The following PRELID2 variants were observed in gnomAD, a reference collection of about 807,000 sequenced individuals.
The protein encoded by PRELID2 is PRELI domain containing 2, also known as PRELI domain-containing protein 2.
PRELID2 carries 25 observed loss-of-function variants against 28.4 expected under a neutral mutation model. The ratio of observed to expected loss-of-function variants is 0.88; its 90% CI spans 0.64 to 1.23. The LOEUF (loss-of-function observed/expected upper bound fraction) is 1.23, where lower values mean the gene tolerates loss of function less well. Ranked by LOEUF, PRELID2 falls within the 50% of genes most tolerant of loss-of-function variation. The pLI is 0.00. For missense variants in PRELID2, 201 were observed against 214.4 expected (o/e 0.94, Z 0.39); for synonymous variants, 76 against 71.6 (o/e 1.06, Z -0.31).
the PRELID2 span, among the ~76,000 whole-genome samples, chr5:145,327,137 G>A: frequency 1.3e-5 from 2 of 152,098 alleles, no homozygotes; most frequent in South Asian, 2.1e-4. Flanking sequence ...GGTCTATTTG[G>A]TCTATATTGT....
the PRELID2 span, among the ~76,000 whole-genome samples, chr5:145,390,056 T>C: frequency 4.1e-4 from 63 of 152,312 alleles, 1 homozygote; most frequent in Non-Finnish European, 1.0e-4. Flanking sequence ...ATTAGGAAGA[T>C]AGCTGCATAA....
chr5:145,365,427 T>G, the PRELID2 span, among the ~76,000 whole-genome samples: 1 of 142,510 alleles, frequency 7.0e-6, no homozygotes, highest in African/African-American at 2.5e-5. Flanking sequence ...AAATAAAATT[T>G]TATAAATTTA....
chr5:145,693,495 G>A (rs1755191833), intron 1 of PRELID2, among the ~76,000 whole-genome samples: 1 of 150,952 alleles, frequency 6.6e-6, no homozygotes, highest in Admixed American at 6.6e-5. Flanking sequence ...TTAGCCAGGT[G>A]CAGTGGCTCA....
At chr5:145,736,589 A>G (rs1756502993) in intron 1 of PRELID2, among the ~76,000 whole-genome samples, 1 of 152,182 alleles carries the variant, frequency 6.6e-6, no homozygotes, top group Non-Finnish European at 1.5e-5. Context: ...CTAACTGAAT[A>G]GGGGAGAGGA....
chr5:145,818,160 T>A, intron 3 of PRELID2, 106 bp from the exon 4 acceptor site: 2 of 1,143,628 alleles, frequency 1.7e-6, no homozygotes, highest in Non-Finnish European at 2.5e-6. Flanking sequence ...GGACAAGTAA[T>A]CCTGATACAT....
the PRELID2 span, among the ~76,000 whole-genome samples, chr5:145,355,058 T>G: frequency 6.6e-6 from 1 of 152,302 alleles, no homozygotes; most frequent in Non-Finnish European, 1.5e-5. Flanking sequence ...AAGACAGTGT[T>G]TAATATTCTT....
chr5:145,782,222 C>T (rs1751683832), intron 5 of PRELID2, among the ~76,000 whole-genome samples: 1 of 152,126 alleles, frequency 6.6e-6, no homozygotes, highest in African/African-American at 2.4e-5. Flanking sequence ...GTCTTGTCTC[C>T]TTCATCTGAA....
chr5:145,463,455 T>G, the PRELID2 span, among the ~76,000 whole-genome samples: 26 of 151,976 alleles, frequency 1.7e-4, no homozygotes, highest in African/African-American at 6.3e-4. Flanking sequence ...TTTTAATTAA[T>G]TTTATAGAAT....
the PRELID2 span, among the ~76,000 whole-genome samples, chr5:145,241,102 G>A: frequency 6.6e-6 from 1 of 152,046 alleles, no homozygotes; most frequent in Non-Finnish European, 1.5e-5. Context: ...AGTGGACACA[G>A]AACAGTACCT....
rs150148389 is a variant in PRELID2 at position 145,683,364 on chromosome 5, T to A, written n.70+81567A>T. Among the ~76,000 whole-genome samples the A allele has an allele frequency of 1.2e-3, 178 of 152,316 alleles. 1 individual carries two copies. The highest frequency in any genetic ancestry group is 4.0e-3 in the African/African-American group (168 of 41,582). On this transcript the variant is annotated intron_variant and non_coding_transcript_variant, in intron 1 of 2. Transcript: ENST00000510259. ...GAACATGATAGTCCAAAAAATATCA[T>A]AACCAGTATACTGGTGTGCTAGGGC...
At chr5:145,741,045 C>T (rs1455718239) in intron 1 of PRELID2, among the ~76,000 whole-genome samples, 1 of 107,156 alleles carries the variant, frequency 9.3e-6, no homozygotes, top group African/African-American at 3.8e-5. Context: ...TATTTGTATA[C>T]AAATAAAATA....
intron 1 of PRELID2, among the ~76,000 whole-genome samples, chr5:145,480,738 C>T (rs13436421): frequency 0.017 from 2,549 of 152,190 alleles, 59 homozygotes; most frequent in African/African-American, 0.058. Context: ...TCCCTGAGAT[C>T]TGCTACATTT....
chr5:145,622,261 C>T (rs1400747098), intron 1 of PRELID2, among the ~76,000 whole-genome samples: 3 of 152,002 alleles, frequency 2.0e-5, no homozygotes, highest in African/African-American at 7.2e-5. Context: ...GTAATAGTTG[C>T]ACAACTATGT....
intron 1 of PRELID2, among the ~76,000 whole-genome samples, chr5:145,726,281 G>C (rs1756160812): frequency 6.7e-6 from 1 of 149,794 alleles, no homozygotes; most frequent in African/African-American, 2.5e-5. Flanking sequence ...GAGAGAAAGA[G>C]ACAGAAAGAA....
chr5:145,499,287 T>C (rs1047658938), intron 1 of PRELID2, among the ~76,000 whole-genome samples: 1 of 152,186 alleles, frequency 6.6e-6, no homozygotes, highest in East Asian at 1.9e-4. Flanking sequence ...TATATAGTTA[T>C]ATATCTGCAT....
rs565308040 is a variant in PRELID2 at position 145,700,390 on chromosome 5, C to G, written n.70+64541G>C. Reference sequence around the variant, plus strand: ...TTACTTTCCTAAATCCCTTTCCCCCCCACCACTCTCAACATGGAAGATTGA... The same window carrying G: ...TTACTTTCCTAAATCCCTTTCCCCCGCACCACTCTCAACATGGAAGATTGA... On this transcript the variant is annotated intron_variant and non_coding_transcript_variant, in intron 1 of 2. Transcript: ENST00000510259. Among the ~76,000 whole-genome samples the G allele has an allele frequency of 1.4e-3, 218 of 152,204 alleles. 1 individual carries two copies. Among genetic ancestry groups the G allele is most frequent in the African/African-American group, 4.9e-3 (205 of 41,476 alleles).
At chr5:145,804,070 C>G in intron 4 of PRELID2, among the ~76,000 whole-genome samples, 1 of 152,172 alleles carries the variant, frequency 6.6e-6, no homozygotes, top group Non-Finnish European at 1.5e-5. Context: ...CAGAAACCAA[C>G]AGGTTGTTAC....
At chr5:145,464,558 T>G in the PRELID2 span, among the ~76,000 whole-genome samples, 2 of 152,208 alleles carry the variant, frequency 1.3e-5, no homozygotes, top group African/African-American at 4.8e-5. Flanking sequence ...TCATAGGGGA[T>G]AGTTAGCAAA....
At chr5:145,330,393 TG>T in the PRELID2 span, among the ~76,000 whole-genome samples, 1 of 152,152 alleles carries the variant, frequency 6.6e-6, no homozygotes, top group East Asian at 1.9e-4. Context: ...GCTGTGAATC[TG>T]TCTGGTCCTG....
Sources: gnomAD v4.1 joint callset for allele counts (sites outside exome capture counted in the v4.1 genomes callset) on GRCh38, gnomAD v4.1.1 for gene constraint, MANE v1.5 for transcripts, NCBI Gene and HGNC (gene_info 2026-07-23, HGNC 2026-07-21) for gene names.